Variants in AKNAD1 observed in about 807,000 individuals in gnomAD.
AKNAD1 encodes protein AKNAD1.
In AKNAD1, 67 loss-of-function variants were observed where a neutral mutation model predicts 90.8. The ratio of observed to expected loss-of-function variants is 0.74; its 90% CI spans 0.61 to 0.90. The LOEUF is 0.90. AKNAD1 is among the 40% of genes least tolerant of loss of function. The pLI is 0.00. For missense variants in AKNAD1, 957 were observed against 975.4 expected (o/e 0.98, Z 0.25); for synonymous variants, 327 against 341.4 (o/e 0.96, Z 0.46).
intron 10 of AKNAD1, among the ~76,000 whole-genome samples, chr1:108,829,791 C>G (rs1664128568): frequency 6.6e-6 from 1 of 152,202 alleles, no homozygotes; most frequent in African/African-American, 2.4e-5. Context: ...CCTGCTGCCT[C>G]CCTGACTCTT....
chr1:108,842,481 A>C (rs1162844342), intron 6 of AKNAD1, among the ~76,000 whole-genome samples: 1 of 152,220 alleles, frequency 6.6e-6, no homozygotes, highest in African/African-American at 2.4e-5. Context: ...TAGAAACTTC[A>C]GTTTGGAGTG....
At chr1:108,831,685 C>T (rs551880391) in intron 9 of AKNAD1, among the ~76,000 whole-genome samples, 1 of 146,696 alleles carries the variant, frequency 6.8e-6, no homozygotes, top group Admixed American at 6.7e-5. Context: ...ACTCTGTTGC[C>T]CAGGCTGGAG....
intron 11 of AKNAD1, among the ~76,000 whole-genome samples, chr1:108,826,309 G>C (rs920085864): frequency 6.6e-6 from 1 of 151,700 alleles, no homozygotes. Flanking sequence ...AAGCTGGGGA[G>C]ACAAGCTGGG....
chr1:108,852,006 C>T lies in AKNAD1; in HGVS notation c.659G>A (p.Gly220Asp), dbSNP rs1570831065. 4.3e-6 allele frequency: 7 copies of T among 1,613,974 alleles called. No homozygotes were observed. The highest frequency in any genetic ancestry group is 4.5e-5 in the East Asian group (2 of 44,898). The change falls in exon 2 of 16, where the codon GGT becomes GAT. Residue 220 changes from glycine (G) to aspartate (D), a missense_variant. Physicochemically the swap from Gly to Asp is moderately conservative, Grantham distance 94 (BLOSUM62 -1). Transcript: ENST00000370001. ...ENVNVLTKTK[G>D]PGDKQKSYQG... ...ATAACTTTTTTGTTTATCACCTGGA[C>T]CCTTGGTTTTAGTTAGAACATTCAC...
chr1:108,839,350 G>A (rs1189933121), intron 6 of AKNAD1, among the ~76,000 whole-genome samples: 1 of 152,102 alleles, frequency 6.6e-6, no homozygotes, highest in Non-Finnish European at 1.5e-5. Context: ...GCGGATGCTT[G>A]TAGTCTCAGC....
rs142028863 is a variant in AKNAD1, at chr1:108,852,409, C to T, written c.256G>A (p.Glu86Lys). 145 of 1,613,834 alleles carry T rather than the reference C, an allele frequency of 9.0e-5. No individual in the cohort carries two copies. The highest frequency in any genetic ancestry group is 4.4e-4 in the South Asian group (40 of 91,050). Residue 86 changes from glutamate to lysine, a missense_variant, in exon 2 of 16, where the codon GAG becomes AAG. Coordinates refer to ENST00000370001, the MANE Select transcript of AKNAD1 (RefSeq NM_152763.5). ...ITENAANKKDEKEKQCTAALH... is the reference protein window; with the variant it reads ...ITENAANKKDKKEKQCTAALH... ...GCTGCAGTGCATTGTTTCTCTTTCT[C>T]GTCTTTTTTGTTGGCAGCATTTTCA...
intron 10 of AKNAD1, 29 bp downstream of exon 10, chr1:108,830,530 C>A (rs1158352221): frequency 6.2e-7 from 1 of 1,610,262 alleles, no homozygotes; most frequent in Admixed American, 1.7e-5. Flanking sequence ...CCAATCCACC[C>A]TGGGAATGTA....
At chr1:108,832,280 A>T (rs1382497685) in intron 9 of AKNAD1, among the ~76,000 whole-genome samples, 1 of 145,170 alleles carries the variant, frequency 6.9e-6, no homozygotes, top group Non-Finnish European at 1.5e-5. Flanking sequence ...CAGTGGCGCA[A>T]TCTTGGCTCA....
At position 108,817,114 on chromosome 1, in the gene AKNAD1, G is replaced by A; in HGVS notation, c.2313C>T (p.Tyr771=). The A allele has an allele frequency of 6.2e-7, 1 of 1,614,160 alleles. No homozygotes were observed. Among genetic ancestry groups the A allele is most frequent in the South Asian group, 1.1e-5 (1 of 91,080 alleles). The change falls in exon 15 of 16, where the codon TAC becomes TAT. Residue 771 remains tyrosine (Y), a synonymous_variant. Transcript: ENST00000370001. ...ATTTGCTTCCAGAAATCCTGCAGGA[G>A]TAGAAATGGGGTGAGGGTGTTGCAG... The part of the protein sequence containing the change: ...SDPATPSPHF[Y]SCRISGSKSL...
chr1:108,820,790 G>A (rs138605219), intron 13 of AKNAD1, among the ~76,000 whole-genome samples, 164 bp from the exon 14 acceptor site: 80 of 152,244 alleles, frequency 5.3e-4, no homozygotes, highest in Middle Eastern at 3.4e-3. Context: ...TGCTGGGCGC[G>A]GTGGCTCACG....
intron 11 of AKNAD1, 43 bp downstream of exon 11, chr1:108,827,162 G>T: frequency 6.8e-7 from 1 of 1,463,736 alleles, no homozygotes; most frequent in Non-Finnish European, 9.5e-7. Flanking sequence ...CCATGGGGAG[G>T]GACACTGAAA....
intron 13 of AKNAD1, chr1:108,823,122 T>C (rs1319909751): frequency 1.4e-6 from 1 of 704,592 alleles, no homozygotes; most frequent in East Asian, 2.7e-5. Flanking sequence ...CTTGCACTGG[T>C]GTAGCCCTTA....
intron 13 of AKNAD1, among the ~76,000 whole-genome samples, chr1:108,821,417 C>T (rs1048886601): frequency 1.1e-4 from 16 of 152,076 alleles, no homozygotes; most frequent in Non-Finnish European, 1.9e-4. Flanking sequence ...TGCCACTGCA[C>T]TCCAGCCTGG....
intron 6 of AKNAD1, among the ~76,000 whole-genome samples, chr1:108,840,431 A>C (rs1570816744): frequency 1.3e-5 from 2 of 152,364 alleles, no homozygotes; most frequent in South Asian, 4.1e-4. Flanking sequence ...TACTTACTAC[A>C]AAGATTTCAG....
chr1:108,853,136 C>CTTTTTTT (rs889504364), intron 1 of AKNAD1, among the ~76,000 whole-genome samples: 23,414 of 132,756 alleles, frequency 0.18, 3,258 homozygotes, highest in African/African-American at 0.36. Context: ...TTTCTTTTTT[C>CTTTTTTT]TTTTTTTTTT....
chr1:108,855,466 T>C (rs1665003590), intron 1 of AKNAD1, among the ~76,000 whole-genome samples: 1 of 146,310 alleles, frequency 6.8e-6, no homozygotes, highest in Non-Finnish European at 1.5e-5. Flanking sequence ...TAAAACTCAA[T>C]CTGTAAATAA....
At chr1:108,857,459 G>A (rs1665081781), upstream of AKNAD1, 1 of 152,862 alleles carries the variant, frequency 6.5e-6, no homozygotes, top group Non-Finnish European at 1.5e-5. Context: ...ACTCCTTAGT[G>A]GCAAGAGGCC....
intron 1 of AKNAD1, among the ~76,000 whole-genome samples, chr1:108,854,906 T>G (rs904977423): frequency 6.6e-6 from 1 of 152,168 alleles, no homozygotes; most frequent in African/African-American, 2.4e-5. Flanking sequence ...CGGTTGCCTT[T>G]TCTGAGAAAT....
intron 14 of AKNAD1, among the ~76,000 whole-genome samples, chr1:108,819,135 TAC>T (rs1436870507): frequency 6.6e-6 from 1 of 152,142 alleles, no homozygotes; most frequent in Non-Finnish European, 1.5e-5. Flanking sequence ...CTTGAATGAA[TAC>T]ACAGACTTTT....
Sources: allele counts gnomAD v4.1 joint callset (sites outside exome capture counted in the v4.1 genomes callset), GRCh38; gene constraint gnomAD v4.1.1; transcripts MANE v1.5; gene names NCBI Gene and HGNC (gene_info 2026-07-23, HGNC 2026-07-21).